The following FTCDNL1 variants were observed in gnomAD, a reference collection of about 807,000 sequenced individuals.
FTCDNL1 encodes formiminotransferase N-terminal subdomain-containing protein.
Under a neutral mutation model 5.9 loss-of-function variants are expected in FTCDNL1, and 11 were observed. The ratio of observed to expected loss-of-function variants is 1.87; its 90% CI spans 1.18 to 3.10. The LOEUF is 3.10. Among genes scored for constraint, FTCDNL1 ranks in the 30% most tolerant of loss-of-function variants. The pLI is 0.00. For missense variants in FTCDNL1, 115 were observed against 65.5 expected (o/e 1.76, Z -2.61); for synonymous variants, 58 against 24.8 (o/e 2.34, Z -3.99).
chr2:199,831,142 A>C (rs747167788), intron 3 of FTCDNL1, among the ~76,000 whole-genome samples: 3 of 152,224 alleles, frequency 2.0e-5, no homozygotes. Flanking sequence ...GCTAAGAAAA[A>C]TTTCACTTGC....
At chr2:199,731,715 C>T in the FTCDNL1 span, among the ~76,000 whole-genome samples, 10 of 152,008 alleles carry the variant, frequency 6.6e-5, no homozygotes, top group African/African-American at 1.7e-4. Context: ...GGTGAAACCC[C>T]GTCTCTACTA....
At chr2:199,707,577 A>G in the FTCDNL1 span, among the ~76,000 whole-genome samples, 1 of 151,596 alleles carries the variant, frequency 6.6e-6, no homozygotes, top group Non-Finnish European at 1.5e-5. Flanking sequence ...CCTTTAGCAT[A>G]TATGTATGTC....
chr2:199,682,170 C>G, the FTCDNL1 span, among the ~76,000 whole-genome samples: 1 of 152,118 alleles, frequency 6.6e-6, no homozygotes, highest in African/African-American at 2.4e-5. Context: ...TAGAGCAAAG[C>G]AGATTGCCTC....
intron 3 of FTCDNL1, among the ~76,000 whole-genome samples, chr2:199,765,103 G>A (rs1000190897): frequency 1.3e-5 from 2 of 152,098 alleles, no homozygotes; most frequent in South Asian, 2.1e-4. Context: ...ACATGAGGAG[G>A]AATGAATAGG....
At chr2:199,673,319 C>T in the FTCDNL1 span, among the ~76,000 whole-genome samples, 2 of 100,768 alleles carry the variant, frequency 2.0e-5, no homozygotes, top group Non-Finnish European at 3.6e-5. Flanking sequence ...TAGAGCAAGA[C>T]TCTGTCTCAA....
intron 3 of FTCDNL1, among the ~76,000 whole-genome samples, chr2:199,781,610 G>C (rs1229898670): frequency 6.6e-6 from 1 of 152,162 alleles, no homozygotes; most frequent in Non-Finnish European, 1.5e-5. Flanking sequence ...GGGTGGGAAA[G>C]TTAATATAGC....
chr2:199,736,456 A>G, the FTCDNL1 span, among the ~76,000 whole-genome samples: 1 of 152,214 alleles, frequency 6.6e-6, no homozygotes, highest in Non-Finnish European at 1.5e-5. Context: ...TGTGGATGCT[A>G]ACCTTGACTT....
At chr2:199,788,863 GA>G (rs991641531) in intron 3 of FTCDNL1, among the ~76,000 whole-genome samples, 44 of 152,064 alleles carry the variant, frequency 2.9e-4, no homozygotes, top group African/African-American at 1.0e-3. Context: ...TACAGACAGA[GA>G]AGAGATTAAA....
chr2:199,799,541 C>A (rs1343957589), intron 3 of FTCDNL1, among the ~76,000 whole-genome samples: 2 of 152,160 alleles, frequency 1.3e-5, no homozygotes, highest in African/African-American at 2.4e-5. Context: ...ATCCAGAAAA[C>A]CTCATCCGAA....
chr2:199,719,732 T>C, the FTCDNL1 span, among the ~76,000 whole-genome samples: 3 of 152,112 alleles, frequency 2.0e-5, no homozygotes, highest in African/African-American at 7.2e-5. Flanking sequence ...CCTCCTGGGC[T>C]CAAGCGATTC....
the FTCDNL1 span, among the ~76,000 whole-genome samples, chr2:199,697,730 C>T: frequency 6.6e-6 from 1 of 152,170 alleles, no homozygotes; most frequent in Non-Finnish European, 1.5e-5. Flanking sequence ...ATCAACTCTA[C>T]ATAACAACCA....
chr2:199,686,896 A>G, the FTCDNL1 span, among the ~76,000 whole-genome samples: 1 of 152,212 alleles, frequency 6.6e-6, no homozygotes, highest in African/African-American at 2.4e-5. Context: ...GGAGAGCAAT[A>G]TATGGCAAAA....
At chr2:199,777,498 T>C (rs1484710638) in intron 3 of FTCDNL1, among the ~76,000 whole-genome samples, 1 of 152,158 alleles carries the variant, frequency 6.6e-6, no homozygotes, top group East Asian at 1.9e-4. Flanking sequence ...AGTCTTCAAC[T>C]GATTGGATGA....
At chr2:199,773,516 A>T (rs1349610634) in intron 3 of FTCDNL1, among the ~76,000 whole-genome samples, 1 of 152,156 alleles carries the variant, frequency 6.6e-6, no homozygotes, top group African/African-American at 2.4e-5. Context: ...TCATTGTCAT[A>T]TATATTTGCC....
the FTCDNL1 span, among the ~76,000 whole-genome samples, chr2:199,704,173 G>A: frequency 6.6e-6 from 1 of 152,166 alleles, no homozygotes; most frequent in Non-Finnish European, 1.5e-5. Context: ...AATAGTTGCT[G>A]CGTCAGTTTG....
chr2:199,793,290 A>C (rs1309210312), intron 3 of FTCDNL1, among the ~76,000 whole-genome samples: 1 of 152,236 alleles, frequency 6.6e-6, no homozygotes, highest in African/African-American at 2.4e-5. Context: ...TAAATAATCC[A>C]AGGCATAATT....
chr2:199,693,869 G>A, the FTCDNL1 span, among the ~76,000 whole-genome samples: 25 of 152,290 alleles, frequency 1.6e-4, no homozygotes, highest in Non-Finnish European at 2.6e-4. Context: ...AGATTTCTTT[G>A]AAACCAACTG....
rs528674228 is a variant in FTCDNL1, at chr2:199,764,858, A to G, written c.212-4023T>C. Among the ~76,000 whole-genome samples the G allele has an allele frequency of 3.3e-5, 5 of 152,186 alleles. No homozygotes were observed. The South Asian group carries it at 1.0e-3, about 32-fold the overall frequency. On this transcript the variant is annotated intron_variant, in intron 3 of 3. Coordinates refer to the FTCDNL1 transcript ENST00000416668. ...TCATGTGCCCCAGCTCTCCTCCTGC[A>G]CCCGCTTCCCTACTCCCCCTGACCC... is the stretch of plus-strand genomic sequence containing the variant.
intron 3 of FTCDNL1, among the ~76,000 whole-genome samples, chr2:199,835,620 T>C (rs1479283301): frequency 6.6e-6 from 1 of 152,146 alleles, no homozygotes; most frequent in Non-Finnish European, 1.5e-5. Flanking sequence ...CAGAGTTTTC[T>C]AATCCTAGTG....
Sources: gnomAD v4.1 joint callset for allele counts (sites outside exome capture counted in the v4.1 genomes callset) on GRCh38, gnomAD v4.1.1 for gene constraint, MANE v1.5 for transcripts, NCBI Gene and HGNC (gene_info 2026-07-23, HGNC 2026-07-21) for gene names.